Variants in DOK6 observed in about 807,000 individuals in gnomAD.
DOK6 encodes the protein downstream of tyrosine kinase 6.
In DOK6, 22 loss-of-function variants were observed where a neutral mutation model predicts 44.0. The observed-to-expected ratio is 0.50, with a 90% CI of 0.36 to 0.71. The LOEUF (loss-of-function observed/expected upper bound fraction) is 0.71. Ranked by LOEUF, DOK6 falls within the 30% of genes least tolerant of loss-of-function variation. The pLI is 0.00. For synonymous variants in DOK6, 166 were observed against 145.5 expected (o/e 1.14, Z -1.01); for missense variants, 340 against 416.4 (o/e 0.82, Z 1.60).
At chr18:69,729,100 G>A (rs1347336181) in intron 5 of DOK6, among the ~76,000 whole-genome samples, 2 of 152,042 alleles carry the variant, frequency 1.3e-5, no homozygotes, top group Middle Eastern at 3.4e-3. Flanking sequence ...AAAATAATAT[G>A]CATATCATAT....
chr18:69,820,559 CTTAACGCAGTA>C (rs1351956922), intron 7 of DOK6, among the ~76,000 whole-genome samples: 1 of 152,106 alleles, frequency 6.6e-6, no homozygotes, highest in East Asian at 1.9e-4. Context: ...CATCCGGAAA[CTTAACGCAGTA>C]TTAACATATA....
At chr18:69,414,147 T>A (rs1978318389) in intron 1 of DOK6, among the ~76,000 whole-genome samples, 1 of 151,966 alleles carries the variant, frequency 6.6e-6, no homozygotes, top group Non-Finnish European at 1.5e-5. Context: ...GGCGGGAATA[T>A]AAAATGGTTC....
intron 3 of DOK6, among the ~76,000 whole-genome samples, chr18:69,658,999 C>T (rs4309493): frequency 0.29 from 44,444 of 152,112 alleles, 7,575 homozygotes; most frequent in Non-Finnish European, 0.38. Context: ...TTTTCTACTT[C>T]GAATATTTGA....
At chr18:69,737,406 G>C (rs1469516271) in intron 5 of DOK6, among the ~76,000 whole-genome samples, 1 of 152,108 alleles carries the variant, frequency 6.6e-6, no homozygotes, top group Non-Finnish European at 1.5e-5. Context: ...AGCAGCATGG[G>C]AGAAACTGCC....
chr18:69,781,029 T>G (rs1980248554), intron 7 of DOK6, among the ~76,000 whole-genome samples: 1 of 152,194 alleles, frequency 6.6e-6, no homozygotes, highest in South Asian at 2.1e-4. Context: ...AATATTATGG[T>G]GCACACTGTG....
chr18:69,535,516 TA>T (rs973616215), intron 1 of DOK6, among the ~76,000 whole-genome samples: 2 of 151,756 alleles, frequency 1.3e-5, no homozygotes, highest in African/African-American at 2.4e-5. Flanking sequence ...CCTAGATTTT[TA>T]AAAAAAATTT....
intron 1 of DOK6, among the ~76,000 whole-genome samples, chr18:69,464,424 T>A (rs911873462): frequency 6.6e-6 from 1 of 152,222 alleles, no homozygotes; most frequent in African/African-American, 2.4e-5. Context: ...GTTCTTTGTA[T>A]CTTCAGCTTC....
intron 7 of DOK6, among the ~76,000 whole-genome samples, chr18:69,801,084 ATTTTGTTTTGTTTT>A (rs1190642077): frequency 7.0e-6 from 1 of 142,648 alleles, no homozygotes; most frequent in Non-Finnish European, 1.5e-5. Context: ...CTTTACTTTG[ATTTTGTTTTGTTTT>A]GTTTTGTTTT....
At chr18:69,426,566 A>T (rs1345418614) in intron 1 of DOK6, among the ~76,000 whole-genome samples, 1 of 152,186 alleles carries the variant, frequency 6.6e-6, no homozygotes, top group Non-Finnish European at 1.5e-5. Context: ...ATTACTAAAC[A>T]TTGTAGATCA....
chr18:69,542,802 G>A (rs559206762), intron 1 of DOK6, among the ~76,000 whole-genome samples: 17 of 151,584 alleles, frequency 1.1e-4, no homozygotes, highest in African/African-American at 2.9e-4. Context: ...TTCATGACTC[G>A]TTCATGCAAT....
intron 1 of DOK6, among the ~76,000 whole-genome samples, chr18:69,426,686 TAACA>T (rs1451060581): frequency 6.6e-6 from 1 of 152,228 alleles, no homozygotes; most frequent in African/African-American, 2.4e-5. Context: ...ATGATTGTGT[TAACA>T]AACATTCATA....
chr18:69,535,368 G>A (rs934365982), intron 1 of DOK6, among the ~76,000 whole-genome samples: 3 of 151,958 alleles, frequency 2.0e-5, no homozygotes, highest in Non-Finnish European at 4.4e-5. Context: ...ATTGCTTTCT[G>A]CATATTCATG....
At chr18:69,698,227 A>T (rs898337316) in intron 4 of DOK6, among the ~76,000 whole-genome samples, 177 bp from the exon 5 acceptor site, 2 of 152,038 alleles carry the variant, frequency 1.3e-5, no homozygotes, top group African/African-American at 4.8e-5. Context: ...ACTTTAATGA[A>T]CTCCTTTTCT....
intron 1 of DOK6, among the ~76,000 whole-genome samples, chr18:69,446,937 T>A (rs1315855689): frequency 3.3e-5 from 5 of 152,276 alleles, no homozygotes; most frequent in South Asian, 4.1e-4. Context: ...GTTTGAGTTC[T>A]TTGTAGATTC....
chr18:69,740,078 T>A (rs1700284845), intron 6 of DOK6, among the ~76,000 whole-genome samples: 1 of 152,080 alleles, frequency 6.6e-6, no homozygotes, highest in Non-Finnish European at 1.5e-5. Flanking sequence ...CCATCTGGGG[T>A]ACGGTTAAAA....
chr18:69,688,591 C>T lies in DOK6; in HGVS notation c.410-9813C>T, dbSNP rs575365818. 3.3e-5 allele frequency among the ~76,000 whole-genome samples: 5 copies of T among 152,234 alleles called. 1 individual carries two copies. The South Asian group carries it at 1.0e-3, about 32-fold the overall frequency. ...AGGCTGGAGTGCAGTGGTGCAATCT[C>T]GGCTCACTGCAACCTCCGCCTCCTG... On this transcript the variant is annotated intron_variant, in intron 4 of 7. Transcript: ENST00000382713.
chr18:69,714,295 C>G (rs529403634), intron 5 of DOK6, among the ~76,000 whole-genome samples: 1 of 152,300 alleles, frequency 6.6e-6, no homozygotes, highest in East Asian at 1.9e-4. Flanking sequence ...GCTGGGGGCA[C>G]TAGTGCAGAC....
At chr18:69,810,179 ACATTTATGGT>A (rs1417124296) in intron 7 of DOK6, among the ~76,000 whole-genome samples, 2 of 152,010 alleles carry the variant, frequency 1.3e-5, no homozygotes, top group Non-Finnish European at 2.9e-5. Flanking sequence ...ATAAATCCAC[ACATTTATGGT>A]CAATTGATTT....
At chr18:69,652,368 T>A (rs1985251929) in intron 3 of DOK6, among the ~76,000 whole-genome samples, 1 of 152,162 alleles carries the variant, frequency 6.6e-6, no homozygotes, top group Non-Finnish European at 1.5e-5. Context: ...AAATACGAGA[T>A]GTTGACTCAC....
Sources: allele counts gnomAD v4.1 joint callset (sites outside exome capture counted in the v4.1 genomes callset), GRCh38; gene constraint gnomAD v4.1.1; transcripts MANE v1.5; gene names NCBI Gene and HGNC (gene_info 2026-07-23, HGNC 2026-07-21).